PCDHA12: variants seen among roughly 807,000 people sequenced by gnomAD.
The protein encoded by PCDHA12 is protocadherin alpha-12.
A neutral mutation model predicts 60.0 loss-of-function variants in PCDHA12; 44 were observed. The observed-to-expected ratio is 0.73, with a 90% CI of 0.58 to 0.94. The LOEUF (loss-of-function observed/expected upper bound fraction) is 0.94. Among genes scored for constraint, PCDHA12 ranks in the 40% least tolerant of loss-of-function variants. The pLI, the probability that PCDHA12 is intolerant of heterozygous loss-of-function variation, is 0.00. For synonymous variants in PCDHA12, 569 were observed against 553.0 expected (o/e 1.03, Z -0.40); for missense variants, 1,276 against 1,239.7 (o/e 1.03, Z -0.44).
At chr5:140,894,808 A>G (rs541905033) in intron 1 of PCDHA12, among the ~76,000 whole-genome samples, 2 of 152,096 alleles carry the variant, frequency 1.3e-5, no homozygotes, top group African/African-American at 4.8e-5. Flanking sequence ...AAATAATTTT[A>G]TATCAGATTT....
intron 1 of PCDHA12, chr5:140,927,278 T>C: frequency 6.2e-7 from 1 of 1,614,094 alleles, no homozygotes; most frequent in Non-Finnish European, 8.5e-7. Flanking sequence ...GCCGGCGACG[T>C]GCAGCTGCAC....
chr5:141,002,356 C>G (rs2098075572), intron 3 of PCDHA12, among the ~76,000 whole-genome samples: 1 of 152,272 alleles, frequency 6.6e-6, no homozygotes, highest in Non-Finnish European at 1.5e-5. Flanking sequence ...CACCTCCACT[C>G]CTTTCAACTC....
At chr5:140,967,909 C>A in intron 1 of PCDHA12, 1 of 1,614,206 alleles carries the variant, frequency 6.2e-7, no homozygotes, top group Non-Finnish European at 8.5e-7. Flanking sequence ...CTACACCCAA[C>A]ACCATTGTGG....
chr5:140,949,172 A>G (rs574592967), intron 1 of PCDHA12, among the ~76,000 whole-genome samples: 3 of 151,856 alleles, frequency 2.0e-5, no homozygotes, highest in African/African-American at 7.2e-5. Context: ...TCTTTTGGTC[A>G]GAGAACATAC....
rs142471747 is a variant in PCDHA12 at position 140,940,002 on chromosome 5, C to T, written c.2368-38947C>T. On this transcript the variant is annotated intron_variant, in intron 1 of 3. Transcript: ENST00000398631. ...TGAATTGTTTCTCCTTGGATTTTGT[C>T]AATTTTTTGTGTCATATGTTTTAAG... Among the ~76,000 whole-genome samples the T allele has an allele frequency of 5.4e-3, 828 of 152,138 alleles. 3 individuals carry two copies. The highest frequency in any genetic ancestry group is 0.019 in the African/African-American group (797 of 41,516).
At chr5:140,915,469 A>G (rs2077137068) in intron 1 of PCDHA12, among the ~76,000 whole-genome samples, 1 of 152,034 alleles carries the variant, frequency 6.6e-6, no homozygotes, top group Admixed American at 6.6e-5. Context: ...TTTTTATTTG[A>G]AGGAGCTTGG....
chr5:140,914,816 A>T (rs2076855290), intron 1 of PCDHA12, among the ~76,000 whole-genome samples: 1 of 152,208 alleles, frequency 6.6e-6, no homozygotes, highest in African/African-American at 2.4e-5. Context: ...AACTTAACAG[A>T]CTGCATAAAC....
intron 1 of PCDHA12, chr5:140,930,027 T>A (rs1554207548): frequency 6.6e-6 from 1 of 152,190 alleles, no homozygotes; most frequent in Non-Finnish European, 1.5e-5. Context: ...CATAGCAGTG[T>A]TTTGTAACTG....
intron 1 of PCDHA12, among the ~76,000 whole-genome samples, chr5:140,937,632 G>T (rs1228752133): frequency 1.3e-5 from 2 of 150,132 alleles, no homozygotes; most frequent in Admixed American, 1.3e-4. Flanking sequence ...AAAAAGAAAG[G>T]CAGGGCATGG....
chr5:140,985,606 C>A (rs1008038466), intron 3 of PCDHA12, among the ~76,000 whole-genome samples: 1 of 152,300 alleles, frequency 6.6e-6, no homozygotes, highest in South Asian at 2.1e-4. Context: ...AGAGCCCTTT[C>A]CGTGAACCAG....
At chr5:140,973,472 T>C (rs572763440) in intron 1 of PCDHA12, among the ~76,000 whole-genome samples, 3 of 152,220 alleles carry the variant, frequency 2.0e-5, no homozygotes, top group Non-Finnish European at 4.4e-5. Flanking sequence ...AGTTTGCAAA[T>C]TTCATATTGG....
chr5:140,978,717 T>C (rs545119234), intron 1 of PCDHA12, among the ~76,000 whole-genome samples: 1 of 152,390 alleles, frequency 6.6e-6, no homozygotes, highest in East Asian at 1.9e-4. Context: ...TTTACAAGAT[T>C]ATTAAATCTG....
chr5:140,897,970 G>A (rs561364842), intron 1 of PCDHA12, among the ~76,000 whole-genome samples: 10 of 152,210 alleles, frequency 6.6e-5, no homozygotes, highest in Admixed American at 2.6e-4. Context: ...TGTGTCTTTT[G>A]GCTGCATAAA....
Position 141,010,339 on chromosome 5 carries a change from A to C in PCDHA12, c.*402A>C. ...TTGAGCAGCTTGGGAGTTTGTGGCCACTGGGTATGTGTGGCTACCGCGGGT... is the reference window on the plus strand; with the variant it reads ...TTGAGCAGCTTGGGAGTTTGTGGCCCCTGGGTATGTGTGGCTACCGCGGGT... On this transcript the variant is annotated 3_prime_UTR_variant, in exon 4 of 4. Coordinates refer to ENST00000398631, the MANE Select transcript of PCDHA12 (RefSeq NM_018903.4). 6.5e-7 allele frequency: 1 copy of C among 1,534,060 alleles called. No homozygotes were observed. The highest frequency in any genetic ancestry group is 8.8e-7 in the Non-Finnish European group (1 of 1,140,682).
chr5:140,880,066 C>T (rs1582502313), intron 1 of PCDHA12, among the ~76,000 whole-genome samples: 1 of 152,176 alleles, frequency 6.6e-6, no homozygotes, highest in East Asian at 1.9e-4. Flanking sequence ...TTTTTGGGGA[C>T]CACAATTCAA....
chr5:140,928,635 A>G lies in PCDHA12; in HGVS notation c.2368-50314A>G, dbSNP rs148091714. On this transcript the variant is annotated intron_variant, in intron 1 of 3. Transcript: ENST00000398631. ...CTGCCAGGACTGGACACTTGGTCAC[A>G]AAAGTGGTAGCAGAGGATGCTGACA... is the stretch of plus-strand genomic sequence containing the variant. 6 of 1,614,104 alleles carry G rather than the reference A, an allele frequency of 3.7e-6. No individual in the cohort carries two copies. The Middle Eastern group carries it at 4.9e-4, about 133-fold the overall frequency.
intron 1 of PCDHA12, among the ~76,000 whole-genome samples, chr5:140,961,096 G>A (rs1040764862): frequency 3.9e-5 from 6 of 152,222 alleles, no homozygotes; most frequent in Admixed American, 3.3e-4. Flanking sequence ...TGACTTTTTG[G>A]TCACCCAACC....
intron 1 of PCDHA12, among the ~76,000 whole-genome samples, chr5:140,959,659 A>G (rs1020730964): frequency 6.6e-6 from 1 of 152,250 alleles, no homozygotes; most frequent in Non-Finnish European, 1.5e-5. Context: ...AAATTGAAGA[A>G]TTTGTAAATC....
At position 140,943,090 on chromosome 5, in the gene PCDHA12, C is replaced by A. The variant is rs554425182; in HGVS notation, c.2368-35859C>A. On this transcript the variant is annotated intron_variant, in intron 1 of 3. Coordinates refer to ENST00000398631, the MANE Select transcript of PCDHA12 (RefSeq NM_018903.4). The stretch of plus-strand genomic sequence containing the variant: ...TGACCAACATGGTGAAATCCTGCCT[C>A]TACTAAAAAATACAAAAATTAGCCA... Among the ~76,000 whole-genome samples the A allele has an allele frequency of 1.8e-4, 27 of 151,656 alleles. No homozygotes were observed. The South Asian group carries it at 2.5e-3, about 14-fold the overall frequency.
Sources: allele counts gnomAD v4.1 joint callset (sites outside exome capture counted in the v4.1 genomes callset), GRCh38; gene constraint gnomAD v4.1.1; transcripts MANE v1.5; gene names NCBI Gene and HGNC (gene_info 2026-07-23, HGNC 2026-07-21).